Variants in CCDC22 observed in about 807,000 individuals in gnomAD.
The protein encoded by CCDC22 is CCC complex scaffolding subunit CCDC22.
CCDC22 carries 4 observed loss-of-function variants against 53.1 expected under a neutral mutation model. That is an observed-to-expected ratio of 0.08 (90% CI 0.04 to 0.17). The LOEUF is 0.17. Among genes scored for constraint, CCDC22 ranks in the 10% least tolerant of loss-of-function variants. The pLI is 1.00. For synonymous variants in CCDC22, 222 were observed against 224.4 expected, an observed-to-expected ratio of 0.99 and a Z score of 0.10; for missense variants, 458 against 554.0, an observed-to-expected ratio of 0.83 and a Z score of 1.74.
chrX:49,243,213 G>A (rs2065972591), intron 5 of CCDC22, 29 bp downstream of exon 5: 2 of 1,203,003 alleles, frequency 1.7e-6, no homozygotes, highest in South Asian at 3.6e-5. Context: ...GGAGGGGTGA[G>A]GAGGAAGGTG....
chrX:49,242,735 C>A (rs112993902), intron 3 of CCDC22, 151 bp from the exon 4 acceptor site: 1 of 394,824 alleles, frequency 2.5e-6, no homozygotes, highest in African/African-American at 2.5e-5. Context: ...AGTAGGTGCT[C>A]GGTGTTTGTT....
chrX:49,242,817 T>C, intron 3 of CCDC22, 69 bp from the exon 4 acceptor site: 1 of 648,200 alleles, frequency 1.5e-6, no homozygotes, highest in East Asian at 3.7e-5. Flanking sequence ...TGGAGGCTGG[T>C]CTCCTAGGGT....
chrX:49,242,970 C>A lies in CCDC22; in HGVS notation c.446C>A (p.Thr149Asn). The change falls in exon 4 of 17, where the codon ACT becomes AAT. Residue 149 changes from threonine to asparagine, a missense_variant. Thr to Asn is a moderately conservative substitution (Grantham distance 65, BLOSUM62 0). This residue lies in a region of CCDC22 where 309 missense variants were observed against 312.3 expected (regional missense o/e 0.99). Coordinates refer to ENST00000376227, the MANE Select transcript of CCDC22 (RefSeq NM_014008.5). ...ALPWVPPHLR[T>N]PKLQHLQGSA... ...CCTTGGGTCCCGCCCCACCTTCGCA[C>A]TCCCAAGCTGCAGCACCTCCAGGTG... 8.6e-7 allele frequency: 1 copy of A among 1,157,403 alleles called. No homozygotes were observed. Among genetic ancestry groups the A allele is most frequent in the Non-Finnish European group, 1.2e-6 (1 of 866,360 alleles).
At position 49,248,432 on chromosome X, in the gene CCDC22, G is replaced by A. The variant is rs370575402; in HGVS notation, c.1238G>A (p.Arg413Gln). The A allele has an allele frequency of 5.0e-6, 6 of 1,210,791 alleles. No individual in the cohort carries two copies. The South Asian group carries it at 5.3e-5, about 11-fold the overall frequency. Reference protein sequence around the residue: ...LQLVVENSAQRVIHLAGQWEK... With the variant: ...LQLVVENSAQQVIHLAGQWEK... ...CTTGTGGTGGAGAATAGTGCCCAGC[G>A]GGTCATCCACTTGGCGGGTCAGTGG... The change falls in exon 11 of 17, where the codon CGG becomes CAG. Residue 413 changes from arginine (R) to glutamine (Q), a missense_variant. Arg to Gln is a conservative substitution (Grantham distance 43). This residue lies in a region of CCDC22 where 309 missense variants were observed against 312.3 expected (regional missense o/e 0.99). Transcript: ENST00000376227.
intron 13 of CCDC22, 58 bp downstream of exon 13, chrX:49,248,982 G>A (rs982301100): frequency 3.0e-5 from 35 of 1,175,911 alleles, no homozygotes; most frequent in Admixed American, 2.7e-4. Context: ...TAGTGTGGCC[G>A]CACAGGGACC....
intron 2 of CCDC22, among the ~76,000 whole-genome samples, chrX:49,238,929 G>C (rs1189603416): frequency 2.7e-5 from 3 of 111,369 alleles, no homozygotes; most frequent in Non-Finnish European, 5.7e-5. Context: ...CAGGAGTCCA[G>C]TTCCTGTATT....
At position 49,246,749 on chromosome X, in the gene CCDC22, C is replaced by T. The variant is rs781858155; in HGVS notation, c.733C>T (p.Arg245Trp). The part of the protein sequence containing the change: ...LPPQEDTRAQ[R>W]QRLQKQLTEH... ...TCCCCAGGAGGACACACGGGCTCAG[C>T]GGCAGCGGCTGCAAAAGCAACTGAC... is the stretch of plus-strand genomic sequence containing the variant. Residue 245 changes from arginine to tryptophan, a missense_variant, in exon 7 of 17, where the codon CGG becomes TGG. By Grantham distance (101) the Arg-to-Trp change is moderately radical (BLOSUM62 -3). This residue lies in a region of CCDC22 where 309 missense variants were observed against 312.3 expected (regional missense o/e 0.99). Transcript: ENST00000376227. 33 of 1,161,344 alleles carry T rather than the reference C, an allele frequency of 2.8e-5. No homozygotes were observed. Among genetic ancestry groups the T allele is most frequent in the South Asian group, 4.0e-5 (2 of 49,473 alleles).
At chrX:49,241,868 C>T (rs1433136327) in intron 2 of CCDC22, 148 bp from the exon 3 acceptor site, 7 of 527,894 alleles carry the variant, frequency 1.3e-5, no homozygotes, top group Middle Eastern at 4.7e-4. Flanking sequence ...CTCTGTGACT[C>T]CCCCCAGGGC....
At chrX:49,242,539 C>G (rs973746122) in intron 3 of CCDC22, among the ~76,000 whole-genome samples, 1 of 111,612 alleles carries the variant, frequency 9.0e-6, no homozygotes, top group African/African-American at 3.3e-5. Context: ...ACTCCCTTAC[C>G]TCTTTGAGGT....
chrX:49,250,012 C>G (rs2066017450), intron 16 of CCDC22, 136 bp from the exon 17 acceptor site: 1 of 478,010 alleles, frequency 2.1e-6, no homozygotes, highest in Non-Finnish European at 3.7e-6. Flanking sequence ...GAACACCACA[C>G]GAGGCCTGGC....
chrX:49,236,041 C>A (rs1557112664), intron 1 of CCDC22, among the ~76,000 whole-genome samples: 1 of 108,671 alleles, frequency 9.2e-6, no homozygotes, highest in Non-Finnish European at 1.9e-5. Context: ...CCCTGAGACC[C>A]TGTTATCTGG....
At chrX:49,236,869 C>T (rs932267009) in intron 1 of CCDC22, 1 of 357,411 alleles carries the variant, frequency 2.8e-6, no homozygotes, top group East Asian at 4.2e-5. Context: ...TTCTCTTCCA[C>T]CCACCATTCT....
At chrX:49,240,469 G>A (rs1387972396) in intron 2 of CCDC22, among the ~76,000 whole-genome samples, 1 of 111,087 alleles carries the variant, frequency 9.0e-6, no homozygotes, top group Non-Finnish European at 1.9e-5. Flanking sequence ...CAGGAGAATC[G>A]CTTGAACCCA....
In CCDC22 at chrX:49,247,720, T is replaced by C. The variant is rs782294044; in HGVS notation, c.1044T>C (p.Ile348=). The C allele has an allele frequency of 2.5e-6, 3 of 1,209,102 alleles. No individual in the cohort carries two copies. The Admixed American group carries it at 6.5e-5, about 26-fold the overall frequency. The change falls in exon 9 of 17, where the codon ATT becomes ATC. Residue 348 remains isoleucine, a synonymous_variant. Transcript: ENST00000376227. ...AGCTGGAAGGAGTGAACCGCAGCAT[T>C]GAGGAGGTTGAGGCCGACATGAAGA... ...REQLEGVNRS[I]EEVEADMKTL... is the part of the protein sequence containing the mutation.
intron 6 of CCDC22, among the ~76,000 whole-genome samples, chrX:49,245,264 C>T (rs1198654128): frequency 2.7e-5 from 3 of 111,592 alleles, no homozygotes; most frequent in African/African-American, 9.8e-5. Flanking sequence ...CTCTGTCTGC[C>T]CCTCTTTTTC....
At chrX:49,237,287 AC>A in intron 2 of CCDC22, 24 bp downstream of exon 2, 1 of 1,165,161 alleles carries the variant, frequency 8.6e-7, no homozygotes, top group Non-Finnish European at 1.2e-6. Context: ...CTCCTAATGC[AC>A]ACATCCTCTT....
At chrX:49,238,075 CTT>C (rs58787414) in intron 2 of CCDC22, among the ~76,000 whole-genome samples, 5 of 84,303 alleles carry the variant, frequency 5.9e-5, no homozygotes, top group Admixed American at 1.3e-4. Flanking sequence ...TTCTTTTTTT[CTT>C]TTTTTTTTTT....
Position 49,243,458 on chromosome X carries a change from C to T in CCDC22, c.710C>T (p.Pro237Leu), listed in dbSNP as rs1557113743. 1.7e-6 allele frequency: 2 copies of T among 1,166,694 alleles called. No individual in the cohort carries two copies. Among genetic ancestry groups the T allele is most frequent in the Admixed American group, 2.4e-5 (1 of 40,961 alleles). Residue 237 changes from proline to leucine, a missense_variant, in exon 6 of 17, where the codon CCC becomes CTC. Coordinates refer to ENST00000376227, the MANE Select transcript of CCDC22 (RefSeq NM_014008.5). ...GTCCACCGGACATCCCGCCTCCCACCCCAGGTACAGCCAGATGCCTGGCTC... is the reference window on the plus strand; with the variant it reads ...GTCCACCGGACATCCCGCCTCCCACTCCAGGTACAGCCAGATGCCTGGCTC... Reference protein sequence around the residue: ...DWVHRTSRLPPQEDTRAQRQR... With the variant: ...DWVHRTSRLPLQEDTRAQRQR...
In CCDC22 at chrX:49,247,526, G is replaced by C. The variant is rs2065996436; in HGVS notation, c.940G>C (p.Asp314His). The change falls in exon 8 of 17, where the codon GAT (aspartate) becomes CAT (histidine). Residue 314 changes from aspartate (D) to histidine (H), a missense_variant. Physicochemically the swap from Asp to His is moderately conservative, Grantham distance 81 (BLOSUM62 -1). This residue lies in a region of CCDC22 where 309 missense variants were observed against 312.3 expected (regional missense o/e 0.99). Coordinates refer to ENST00000376227, the MANE Select transcript of CCDC22 (RefSeq NM_014008.5). ...CCAGGCCCAGGCCACTCAGGTGTCA[G>C]ATGTGCCAGCCACCTCCCGGCGGCC... is the stretch of plus-strand genomic sequence containing the variant. ...EPQAQATQVS[D>H]VPATSRRPEQ... 1.7e-6 allele frequency: 2 copies of C among 1,200,270 alleles called. No homozygotes were observed. Among genetic ancestry groups the C allele is most frequent in the African/African-American group, 3.5e-5 (2 of 57,608 alleles).
Sources: gnomAD v4.1 joint callset for allele counts (sites outside exome capture counted in the v4.1 genomes callset) on GRCh38, gnomAD v4.1.1 for gene constraint, gnomAD v4.1.1 regional missense constraint, MANE v1.5 for transcripts, NCBI Gene and HGNC (gene_info 2026-07-23, HGNC 2026-07-21) for gene names.